The following PTPN13 variants were observed in gnomAD, a reference collection of about 807,000 sequenced individuals.
The protein encoded by PTPN13 is protein tyrosine phosphatase non-receptor type 13.
In PTPN13, 191 loss-of-function variants were observed where a neutral mutation model predicts 284.0. The ratio of observed to expected loss-of-function variants is 0.67; its 90% confidence interval spans 0.60 to 0.76. PTPN13 has a LOEUF of 0.76. PTPN13 is among the 30% of genes least tolerant of loss of function. The pLI is 0.00. For missense variants in PTPN13, 2,797 were observed against 2,939.9 expected (o/e 0.95, Z 1.12); for synonymous variants, 986 against 1,022.3 (o/e 0.96, Z 0.68).
In PTPN13 at chr4:86,814,833, A is replaced by T. The variant is rs1447557124; in HGVS notation, c.*282A>T. On this transcript the variant is annotated 3_prime_UTR_variant, in exon 48 of 48. Coordinates refer to ENST00000411767, the MANE Select transcript of PTPN13 (RefSeq NM_080683.3). ...GCATTTGATGATAGCAGACATTGTT[A>T]CAAGGACATGGTGAGTCTATTTTTA... 3.6e-6 allele frequency: 1 copy of T among 280,188 alleles called. No individual in the cohort carries two copies. Among genetic ancestry groups the T allele is most frequent in the East Asian group, 6.5e-5 (1 of 15,448 alleles). The allele number at this position is 280,188 out of a possible 1,614,324, so 17.4% of individuals were successfully genotyped here.
chr4:86,737,538 C>T (rs1735662524), intron 15 of PTPN13, among the ~76,000 whole-genome samples: 2 of 151,936 alleles, frequency 1.3e-5, no homozygotes, highest in South Asian at 4.1e-4. Context: ...AAAAGTTTAC[C>T]AACTCCTGAT....
chr4:86,722,660 G>A (rs1029572800), intron 10 of PTPN13, among the ~76,000 whole-genome samples: 1 of 152,024 alleles, frequency 6.6e-6, no homozygotes, highest in Non-Finnish European at 1.5e-5. Context: ...GATGAATTTA[G>A]AGTGTCCTAA....
intron 19 of PTPN13, among the ~76,000 whole-genome samples, chr4:86,751,900 ATTAT>A (rs745554791): frequency 5.3e-5 from 8 of 151,596 alleles, no homozygotes; most frequent in Non-Finnish European, 1.2e-4. Flanking sequence ...AGCAGGGCAT[ATTAT>A]TTAAGTGAAA....
intron 2 of PTPN13, among the ~76,000 whole-genome samples, chr4:86,671,475 T>G (rs1565285387): frequency 6.6e-6 from 1 of 152,154 alleles, no homozygotes; most frequent in Non-Finnish European, 1.5e-5. Context: ...AACTTACTTT[T>G]TATATGAGGG....
chr4:86,687,784 A>G (rs1431812729), intron 4 of PTPN13, among the ~76,000 whole-genome samples: 1 of 152,114 alleles, frequency 6.6e-6, no homozygotes, highest in Non-Finnish European at 1.5e-5. Context: ...ATAACACTTT[A>G]TGTTCTTTTC....
chr4:86,709,753 GATGTCACAGCCCAGCTATGTGGCT>G, intron 7 of PTPN13, among the ~76,000 whole-genome samples: 1 of 152,144 alleles, frequency 6.6e-6, no homozygotes, highest in African/African-American at 2.4e-5. Flanking sequence ...GAGCCTAGCC[GATGTCACAGCCCAGCTATGTGGCT>G]ACTATATCAC....
chr4:86,801,150 A>AAATT (rs540863823), intron 42 of PTPN13, among the ~76,000 whole-genome samples: 33 of 152,346 alleles, frequency 2.2e-4, no homozygotes, highest in Non-Finnish European at 4.4e-4. Context: ...AGCAGGTACT[A>AAATT]AATTAGACCC....
At chr4:86,648,374 CT>C (rs1418623593) in intron 2 of PTPN13, among the ~76,000 whole-genome samples, 3 of 152,090 alleles carry the variant, frequency 2.0e-5, no homozygotes, top group Non-Finnish European at 4.4e-5. Context: ...TTTATCCCCC[CT>C]CCATACTATC....
intron 3 of PTPN13, among the ~76,000 whole-genome samples, chr4:86,675,908 G>C (rs1176865002): frequency 6.6e-6 from 1 of 152,138 alleles, no homozygotes; most frequent in Non-Finnish European, 1.5e-5. Flanking sequence ...ATGTGCACCA[G>C]AGATTTGTAC....
At chr4:86,754,956 A>C (rs770318460) in intron 20 of PTPN13, among the ~76,000 whole-genome samples, 4 of 152,086 alleles carry the variant, frequency 2.6e-5, no homozygotes, top group Non-Finnish European at 5.9e-5. Context: ...AAGTAGCCTG[A>C]ATTAGTACTC....
At position 86,775,297 on chromosome 4, in the gene PTPN13, C is replaced by T; in HGVS notation, c.5635C>T (p.His1879Tyr). The T allele has an allele frequency of 6.2e-7, 1 of 1,613,382 alleles. No homozygotes were observed. Among genetic ancestry groups the T allele is most frequent in the Non-Finnish European group, 8.5e-7 (1 of 1,179,666 alleles). Residue 1879 changes from histidine to tyrosine, a missense_variant, in exon 34 of 48, where the codon CAT (histidine) becomes TAT (tyrosine). His to Tyr is a moderately conservative substitution (Grantham distance 83). Coordinates refer to ENST00000411767, the MANE Select transcript of PTPN13 (RefSeq NM_080683.3). Reference protein sequence around the residue: ...LELPRIPMLPHLLPDITLTCN... With the variant: ...LELPRIPMLPYLLPDITLTCN... ...ATTACCCAGAATACCAATGTTGCCT[C>T]ATTTGCTACCGGACATAACACTAAC...
chr4:86,770,010 C>G lies in PTPN13; in HGVS notation c.4704+27C>G, dbSNP rs761789206. On this transcript the variant is annotated intron_variant, in intron 29 of 47. Coordinates refer to ENST00000411767, the MANE Select transcript of PTPN13 (RefSeq NM_080683.3). ...TGAGCCCCTAGCATGTGGAGTATAGCATTTTTAATGATGAGATGGATTGGC... is the reference window on the plus strand; with the variant it reads ...TGAGCCCCTAGCATGTGGAGTATAGGATTTTTAATGATGAGATGGATTGGC... The G allele has an allele frequency of 2.5e-6, 4 of 1,612,164 alleles. No homozygotes were observed. In the Admixed American group the frequency reaches 6.7e-5, roughly 27 times the overall value.
At chr4:86,812,974 G>A (rs1263286960) in intron 47 of PTPN13, among the ~76,000 whole-genome samples, 1 of 152,068 alleles carries the variant, frequency 6.6e-6, no homozygotes, top group South Asian at 2.1e-4. Flanking sequence ...TGGACAGAGT[G>A]AAAGAAACAG....
intron 17 of PTPN13, among the ~76,000 whole-genome samples, chr4:86,746,454 G>A (rs925421906): frequency 1.7e-4 from 26 of 152,104 alleles, no homozygotes; most frequent in African/African-American, 5.8e-4. Context: ...AGACTGGGGC[G>A]ATGGCAACCT....
intron 23 of PTPN13, among the ~76,000 whole-genome samples, chr4:86,760,070 AT>A (rs1422312374): frequency 6.6e-6 from 1 of 152,170 alleles, no homozygotes; most frequent in Non-Finnish European, 1.5e-5. Flanking sequence ...ATCTTATTAA[AT>A]TTTATATAGA....
At chr4:86,655,974 C>T (rs185976059) in intron 2 of PTPN13, among the ~76,000 whole-genome samples, 269 of 152,182 alleles carry the variant, frequency 1.8e-3, no homozygotes, top group African/African-American at 5.5e-3. Context: ...CTTCTCTTCT[C>T]GCTTCTTTTC....
In PTPN13 at chr4:86,769,752, T is replaced by C; in HGVS notation, c.4490-17T>C. 1 of 1,502,658 alleles carries C rather than the reference T, an allele frequency of 6.7e-7. No individual in the cohort carries two copies. The highest frequency in any genetic ancestry group is 9.1e-7 in the Non-Finnish European group (1 of 1,101,270). The allele number at this position is 1,502,658 out of a possible 1,614,324, so 93.1% of individuals were successfully genotyped here. A position where few individuals can be genotyped will look rare whatever the true frequency, so the allele number is the denominator to read the frequency against. On this transcript the variant is annotated splice_polypyrimidine_tract_variant and intron_variant, in intron 28 of 47. Transcript: ENST00000411767. ...ATGTTAATAATATCTAAATTTTTTT[T>C]ATATCTTTTTCTCCAGAAAATACAT...
At chr4:86,604,211 C>T (rs75765109) in intron 1 of PTPN13, among the ~76,000 whole-genome samples, 7,050 of 151,958 alleles carry the variant, frequency 0.046, 221 homozygotes, top group African/African-American at 0.06. Flanking sequence ...ATTAGAATGA[C>T]TTTGGATAAA....
rs763784304 is a variant in PTPN13 at position 86,727,589 on chromosome 4, GT to G, written c.1609-4808del. Among the ~76,000 whole-genome samples the G allele has an allele frequency of 1.0e-4, 15 of 149,504 alleles. No individual in the cohort carries two copies. The East Asian group carries it at 1.9e-3, about 19-fold the overall frequency. On this transcript the variant is annotated intron_variant, in intron 10 of 47. Coordinates refer to ENST00000411767, the MANE Select transcript of PTPN13 (RefSeq NM_080683.3). ...TCATCCATTTCTTCTAGATTTTCTA[GT>G]TTATTTGCATAGAGGTGTTTATAGT...
Sources: allele counts gnomAD v4.1 joint callset (sites outside exome capture counted in the v4.1 genomes callset), GRCh38; gene constraint gnomAD v4.1.1; transcripts MANE v1.5; gene names NCBI Gene and HGNC (gene_info 2026-07-23, HGNC 2026-07-21).